Variants in MCTP1 observed in about 807,000 individuals in gnomAD.
The protein encoded by MCTP1 is multiple C2 and transmembrane domain-containing protein 1.
MCTP1 carries 69 observed loss-of-function variants against 120.6 expected under a neutral mutation model. The observed-to-expected ratio is 0.57, with a 90% confidence interval of 0.47 to 0.70. The LOEUF is 0.70. Among genes scored for constraint, MCTP1 ranks in the 30% least tolerant of loss-of-function variants. The pLI, the probability that MCTP1 is intolerant of heterozygous loss-of-function variation, is 0.00. For missense variants in MCTP1, 1,203 were observed against 1,248.8 expected (o/e 0.96, Z 0.55); for synonymous variants, 529 against 493.1 (o/e 1.07, Z -0.96).
intron 1 of MCTP1, among the ~76,000 whole-genome samples, chr5:95,170,146 T>C (rs1334634339): frequency 6.6e-6 from 1 of 152,246 alleles, no homozygotes; most frequent in East Asian, 1.9e-4. Context: ...ACATCTTTAT[T>C]TCTGCCTTCA....
At chr5:95,079,291 G>A (rs1312214244) in intron 1 of MCTP1, among the ~76,000 whole-genome samples, 1 of 152,024 alleles carries the variant, frequency 6.6e-6, no homozygotes, top group Non-Finnish European at 1.5e-5. Flanking sequence ...GGAAGTATGG[G>A]ACTGTCATCT....
chr5:94,960,369 T>A (rs1322862099), intron 2 of MCTP1, among the ~76,000 whole-genome samples: 1 of 152,118 alleles, frequency 6.6e-6, no homozygotes, highest in Non-Finnish European at 1.5e-5. Context: ...GGCAAAGACT[T>A]CATGACTAAA....
In MCTP1 at chr5:94,845,291, G is replaced by A. The variant is rs1365497582; in HGVS notation, c.2436+23042C>T. Among the ~76,000 whole-genome samples the A allele has an allele frequency of 6.6e-5, 10 of 152,160 alleles. No homozygotes were observed. The East Asian group carries it at 1.7e-3, about 26-fold the overall frequency. ...AAGGAAGAGCAACGTCACATCTTAC[G>A]TGGCAGCAGGCAAAAGAGCGTGTGC... On this transcript the variant is annotated intron_variant, in intron 17 of 22. Coordinates refer to ENST00000515393, the MANE Select transcript of MCTP1 (RefSeq NM_024717.7).
At chr5:94,848,001 T>G (rs1337372584) in intron 17 of MCTP1, among the ~76,000 whole-genome samples, 1 of 151,992 alleles carries the variant, frequency 6.6e-6, no homozygotes, top group East Asian at 1.9e-4. Flanking sequence ...CTGCTTGGTA[T>G]CCTCCTAAGC....
chr5:94,779,580 TA>T (rs1318087221), intron 18 of MCTP1, among the ~76,000 whole-genome samples: 1 of 152,140 alleles, frequency 6.6e-6, no homozygotes, highest in Non-Finnish European at 1.5e-5. Flanking sequence ...ACTCTAAGAT[TA>T]AAAAACCATG....
intron 2 of MCTP1, among the ~76,000 whole-genome samples, chr5:94,982,828 GC>G (rs1339004575): frequency 7.1e-6 from 1 of 140,404 alleles, no homozygotes; most frequent in African/African-American, 2.7e-5. Context: ...GGAAGAGGCT[GC>G]AGTGAGCCAA....
intron 6 of MCTP1, among the ~76,000 whole-genome samples, chr5:94,926,162 T>G (rs990340716): frequency 2.0e-5 from 3 of 152,190 alleles, no homozygotes; most frequent in African/African-American, 7.2e-5. Context: ...ACAACAAGCT[T>G]TTATTAAAAG....
At chr5:95,029,430 C>T (rs1323692532) in intron 1 of MCTP1, among the ~76,000 whole-genome samples, 2 of 152,146 alleles carry the variant, frequency 1.3e-5, no homozygotes, top group East Asian at 1.9e-4. Flanking sequence ...TGACCAGAGA[C>T]ATTGGATGCT....
chr5:95,202,516 G>T (rs148578402), intron 1 of MCTP1, among the ~76,000 whole-genome samples: 18 of 152,136 alleles, frequency 1.2e-4, no homozygotes, highest in African/African-American at 1.9e-4. Context: ...CCTATTGGTT[G>T]TCTCTTTGGA....
chr5:94,763,351 A>T (rs982115775), intron 19 of MCTP1, among the ~76,000 whole-genome samples: 4 of 152,220 alleles, frequency 2.6e-5, no homozygotes, highest in Admixed American at 2.6e-4. Context: ...TCTTAAATGT[A>T]GATTTCTAGT....
intron 1 of MCTP1, among the ~76,000 whole-genome samples, chr5:95,237,258 G>A (rs1038719539): frequency 2.0e-5 from 3 of 152,138 alleles, no homozygotes; most frequent in Admixed American, 6.5e-5. Context: ...CCCAGAACCA[G>A]CAGGCACCAT....
At chr5:95,146,960 C>G (rs189524561) in intron 1 of MCTP1, among the ~76,000 whole-genome samples, 1 of 152,250 alleles carries the variant, frequency 6.6e-6, no homozygotes, top group Non-Finnish European at 1.5e-5. Context: ...TGATCTAATG[C>G]TATCAGTGGG....
intron 6 of MCTP1, 181 bp downstream of exon 6, chr5:94,931,772 A>C: frequency 1.6e-6 from 1 of 611,280 alleles, no homozygotes; most frequent in South Asian, 2.0e-5. Context: ...ATTTGAAGCT[A>C]TTGATCGGTG....
intron 5 of MCTP1, among the ~76,000 whole-genome samples, chr5:94,939,349 T>C (rs1211347013): frequency 1.3e-5 from 2 of 152,070 alleles, no homozygotes; most frequent in African/African-American, 4.8e-5. Flanking sequence ...AAATGTGTTA[T>C]AATCAGAGCT....
chr5:94,818,000 A>C (rs1286969213), intron 17 of MCTP1, among the ~76,000 whole-genome samples: 2 of 152,216 alleles, frequency 1.3e-5, no homozygotes, highest in Non-Finnish European at 2.9e-5. Context: ...GGTTATACTA[A>C]TCGGTTCAAG....
intron 1 of MCTP1, among the ~76,000 whole-genome samples, chr5:95,071,566 T>C (rs112555417): frequency 6.3e-4 from 94 of 148,552 alleles, no homozygotes; most frequent in African/African-American, 2.3e-3. Context: ...TTGATATGAG[T>C]GATATTCATG....
chr5:94,950,638 T>A (rs536556224), intron 3 of MCTP1, among the ~76,000 whole-genome samples: 1 of 152,136 alleles, frequency 6.6e-6, no homozygotes, highest in East Asian at 1.9e-4. Flanking sequence ...TGCTCTCAAG[T>A]CAAGACCATT....
At chr5:95,081,465 C>T in intron 1 of MCTP1, 1 of 1,612,356 alleles carries the variant, frequency 6.2e-7, no homozygotes, top group South Asian at 1.1e-5. Flanking sequence ...CACTTTTCAG[C>T]TTGCAGCTGT....
At chr5:94,889,807 T>C (rs1802183291) in intron 11 of MCTP1, among the ~76,000 whole-genome samples, 1 of 151,414 alleles carries the variant, frequency 6.6e-6, no homozygotes, top group African/African-American at 2.4e-5. Context: ...TAATTGTTGC[T>C]ATATAAGTAG....
Sources: allele counts gnomAD v4.1 joint callset (sites outside exome capture counted in the v4.1 genomes callset), GRCh38; gene constraint gnomAD v4.1.1; transcripts MANE v1.5; gene names NCBI Gene and HGNC (gene_info 2026-07-23, HGNC 2026-07-21).